The following CASC3 variants were observed in gnomAD, a reference collection of about 807,000 sequenced individuals.
CASC3 encodes the protein protein CASC3.
In CASC3, 30 loss-of-function variants were observed where a neutral mutation model predicts 80.5. That is an observed-to-expected ratio of 0.37 (90% CI 0.28 to 0.51). The LOEUF is 0.51. CASC3 is among the 20% of genes least tolerant of loss of function. The pLI is 0.94. For synonymous variants in CASC3, 312 were observed against 333.6 expected (o/e 0.94, Z 0.70); for missense variants, 824 against 922.2 (o/e 0.89, Z 1.38).
chr17:40,172,060 A>C lies in CASC3; in HGVS notation c.*1655A>C. 7.8e-7 allele frequency: 1 copy of C among 1,289,940 alleles called. No individual in the cohort carries two copies. The highest frequency in any genetic ancestry group is 1.0e-6 in the Non-Finnish European group (1 of 988,860). 79.9% of individuals were successfully genotyped at this position (1,289,940 alleles called of 1,614,324 possible). A position where few individuals can be genotyped will look rare whatever the true frequency, so the allele number is the denominator to read the frequency against. On this transcript the variant is annotated 3_prime_UTR_variant, in exon 14 of 14. Coordinates refer to ENST00000264645, the MANE Select transcript of CASC3 (RefSeq NM_007359.5). ...TTGTCTCTGTTGGTCCACTGTGTTT[A>C]GTTGCAAGGATTTTTCCATGTGTGG...
rs755077795 is a variant in CASC3, at chr17:40,163,753, G to A, written c.1058G>A (p.Arg353His). The change falls in exon 7 of 14, where the codon CGC (arginine) becomes CAC (histidine). Residue 353 changes from arginine (R) to histidine (H), a missense_variant. Arg to His is a conservative substitution (Grantham distance 29). Coordinates refer to ENST00000264645, the MANE Select transcript of CASC3 (RefSeq NM_007359.5). ...CATGAGATTAGTTACCGGTCACGGC[G>A]CCTAGAGCAGACTTCTGTGAGGGAT... Reference protein sequence around the residue: ...VKHEISYRSRRLEQTSVRDPS... With the variant: ...VKHEISYRSRHLEQTSVRDPS... 7.4e-5 allele frequency: 119 copies of A among 1,613,996 alleles called. No individual in the cohort carries two copies. Among genetic ancestry groups the A allele is most frequent in the Admixed American group, 1.7e-4 (10 of 59,988 alleles).
At chr17:40,148,357 C>T (rs1364193591) in intron 3 of CASC3, among the ~76,000 whole-genome samples, 3 of 150,492 alleles carry the variant, frequency 2.0e-5, no homozygotes, top group Non-Finnish European at 2.9e-5. Flanking sequence ...AGGTCAGCTT[C>T]ATCCCTTCAG....
In CASC3 at chr17:40,144,680, TA is replaced by T. The variant is rs992022231; in HGVS notation, c.297+3079del. 1.4e-3 allele frequency among the ~76,000 whole-genome samples: 199 copies of T among 138,786 alleles called. No individual in the cohort carries two copies. The Middle Eastern group carries it at 0.025, about 18-fold the overall frequency. 91.0% of individuals were successfully genotyped at this position (138,786 alleles called of 152,430 possible). On this transcript the variant is annotated intron_variant, in intron 3 of 13. Transcript: ENST00000264645. ...CCTCTTTTTTTTTTTTTTTTTTTTT[TA>T]AAAAAGAGGCAGGGTCTCACTCTGT...
chr17:40,169,336 G>A lies in CASC3; in HGVS notation c.1978G>A (p.Val660Ile), dbSNP rs1358611032. The change falls in exon 12 of 14, where the codon GTA becomes ATA. Residue 660 changes from valine (V) to isoleucine (I), a missense_variant. Physicochemically the swap from Val to Ile is conservative, Grantham distance 29 (BLOSUM62 3). This residue lies in a region of CASC3 where 464 missense variants were observed against 506.0 expected (regional missense o/e 0.92). Transcript: ENST00000264645. ...LYPNTQAPSQVYGGVTYYNPA... is the reference protein window; with the variant it reads ...LYPNTQAPSQIYGGVTYYNPA... ...TGTGGGGTCCCAGGCCCCATCACAGGTATATGGAGGAGTGACCTACTATAA... is the reference window on the plus strand; with the variant it reads ...TGTGGGGTCCCAGGCCCCATCACAGATATATGGAGGAGTGACCTACTATAA... The A allele has an allele frequency of 1.9e-6, 3 of 1,606,666 alleles. No homozygotes were observed. Among genetic ancestry groups the A allele is most frequent in the Non-Finnish European group, 2.5e-6 (3 of 1,177,346 alleles).
intron 3 of CASC3, among the ~76,000 whole-genome samples, chr17:40,153,329 T>A (rs1989058567): frequency 6.6e-6 from 1 of 152,158 alleles, no homozygotes; most frequent in Admixed American, 6.5e-5. Context: ...ATTTTTTTTT[T>A]AGGGCAGAAT....
intron 3 of CASC3, among the ~76,000 whole-genome samples, chr17:40,144,923 C>T (rs1988817827): frequency 2.7e-5 from 4 of 149,304 alleles, no homozygotes; most frequent in South Asian, 2.1e-4. Flanking sequence ...TGCAATGGCT[C>T]GATCTCAGCT....
At chr17:40,149,320 T>C (rs984950890) in intron 3 of CASC3, among the ~76,000 whole-genome samples, 2 of 151,732 alleles carry the variant, frequency 1.3e-5, no homozygotes, top group African/African-American at 4.8e-5. Context: ...TGGGTCTCCT[T>C]ATTTTGCCCA....
At position 40,170,727 on chromosome 17, in the gene CASC3, T is replaced by C. The variant is rs1567686306; in HGVS notation, c.*322T>C. The C allele has an allele frequency of 1.0e-6, 1 of 985,482 alleles. No individual in the cohort carries two copies. The highest frequency in any genetic ancestry group is 1.7e-5 in the African/African-American group (1 of 57,252). 61.0% of individuals were successfully genotyped at this position (985,482 alleles called of 1,614,324 possible). On this transcript the variant is annotated 3_prime_UTR_variant, in exon 14 of 14. Coordinates refer to ENST00000264645, the MANE Select transcript of CASC3 (RefSeq NM_007359.5). The stretch of plus-strand genomic sequence containing the variant: ...CCCATGTCTTCTGCTGTTCTTCACT[T>C]CTGGGAAATTGAAGTGTCTTCTGTT...
Position 40,168,357 on chromosome 17 carries a change from C to T in CASC3, c.1905C>T (p.Tyr635=), listed in dbSNP as rs767595088. Residue 635 remains tyrosine, a synonymous_variant, in exon 11 of 14, where the codon TAC becomes TAT. Coordinates refer to ENST00000264645, the MANE Select transcript of CASC3 (RefSeq NM_007359.5). The part of the protein sequence containing the change: ...PGVMNFGNPS[Y]PYAPGALPPP... ...TCATGAACTTTGGTAATCCCAGTTA[C>T]CCTTATGCTCCAGGGGCACTGCCTC... 1.2e-6 allele frequency: 2 copies of T among 1,614,082 alleles called. No individual in the cohort carries two copies. The highest frequency in any genetic ancestry group is 1.1e-5 in the South Asian group (1 of 91,072).
chr17:40,155,830 T>C (rs1471000491), intron 3 of CASC3, among the ~76,000 whole-genome samples: 1 of 152,192 alleles, frequency 6.6e-6, no homozygotes, highest in African/African-American at 2.4e-5. Flanking sequence ...GAAAAAGGTT[T>C]TGATGACATC....
chr17:40,158,876 A>T (rs1241251727), intron 3 of CASC3, among the ~76,000 whole-genome samples: 1 of 152,128 alleles, frequency 6.6e-6, no homozygotes, highest in Non-Finnish European at 1.5e-5. Context: ...CATAGGCATT[A>T]AAAAAAGCTA....
At chr17:40,162,599 T>C (rs1395913295) in intron 5 of CASC3, 126 bp from the exon 6 acceptor site, 8 of 831,874 alleles carry the variant, frequency 9.6e-6, no homozygotes, top group African/African-American at 1.7e-5. Context: ...TATAATCTCT[T>C]TGGGATGATG....
In CASC3 at chr17:40,168,398, A is replaced by C. The variant is rs1321348638; in HGVS notation, c.1946A>C (p.His649Pro). The C allele has an allele frequency of 6.2e-7, 1 of 1,613,996 alleles. No individual in the cohort carries two copies. ...GCACTGCCTCCCCCACCACCGCCTC[A>C]TCTGTATCCTAATACACAGGTGAGA... ...PGALPPPPPP[H>P]LYPNTQAPSQ... Residue 649 changes from histidine (H) to proline (P), a missense_variant, in exon 11 of 14, where the codon CAT (histidine) becomes CCT (proline). Physicochemically the swap from His to Pro is moderately conservative, Grantham distance 77 (BLOSUM62 -2). Coordinates refer to ENST00000264645, the MANE Select transcript of CASC3 (RefSeq NM_007359.5).
At chr17:40,168,071 G>T in intron 10 of CASC3, 123 bp downstream of exon 10, 1 of 1,292,656 alleles carries the variant, frequency 7.7e-7, no homozygotes, top group Non-Finnish European at 1.1e-6. Context: ...CTGGCTGCTT[G>T]GGCAACAAGT....
chr17:40,170,019 G>T (rs1219352645), intron 13 of CASC3, among the ~76,000 whole-genome samples: 1 of 152,076 alleles, frequency 6.6e-6, no homozygotes, highest in East Asian at 1.9e-4. Flanking sequence ...GCCTCCCAAA[G>T]TGTTGGGATT....
At chr17:40,161,189 A>G (rs1989288697) in intron 3 of CASC3, among the ~76,000 whole-genome samples, 1 of 152,056 alleles carries the variant, frequency 6.6e-6, no homozygotes, top group Non-Finnish European at 1.5e-5. Context: ...CATGCTGGCC[A>G]GGTTGGTCTC....
intron 3 of CASC3, among the ~76,000 whole-genome samples, chr17:40,145,591 A>T (rs549205677): frequency 6.6e-6 from 1 of 152,170 alleles, no homozygotes; most frequent in East Asian, 1.9e-4. Context: ...AGAAATAAAG[A>T]CAAATTGGTG....
Position 40,171,049 on chromosome 17 carries a change from A to G in CASC3, c.*644A>G, listed in dbSNP as rs1989581248. The G allele has an allele frequency of 1.0e-6, 1 of 985,420 alleles. No homozygotes were observed. The highest frequency in any genetic ancestry group is 6.2e-5 in the Admixed American group (1 of 16,236). The allele number at this position is 985,420 out of a possible 1,614,324, so 61.0% of individuals were successfully genotyped here. On this transcript the variant is annotated 3_prime_UTR_variant, in exon 14 of 14. Transcript: ENST00000264645. The stretch of plus-strand genomic sequence containing the variant: ...ATTTGTTATCCTCTTGTATACTTGT[A>G]TTCCCTTAACTCTAACCCTGTGGAA...
At chr17:40,155,207 G>A (rs939227610) in intron 3 of CASC3, among the ~76,000 whole-genome samples, 4 of 151,642 alleles carry the variant, frequency 2.6e-5, no homozygotes, top group South Asian at 2.1e-4. Flanking sequence ...TCTTTTGCAC[G>A]TGACGATTTT....
Sources: allele counts gnomAD v4.1 joint callset (sites outside exome capture counted in the v4.1 genomes callset), GRCh38; gene constraint gnomAD v4.1.1; regional missense constraint gnomAD v4.1.1; transcripts MANE v1.5; gene names NCBI Gene and HGNC (gene_info 2026-07-23, HGNC 2026-07-21).